The following SLC19A1 variants were observed in gnomAD, a reference collection of about 807,000 sequenced individuals.
SLC19A1 encodes reduced folate transporter.
In SLC19A1, 37 loss-of-function variants were observed where a neutral mutation model predicts 35.3. The ratio of observed to expected loss-of-function variants is 1.05; its 90% CI spans 0.81 to 1.38. The LOEUF is 1.38. Among genes scored for constraint, SLC19A1 ranks in the 40% most tolerant of loss-of-function variants. The pLI is 0.00. For synonymous variants in SLC19A1, 460 were observed against 398.5 expected, an observed-to-expected ratio of 1.15 and a Z score of -1.84; for missense variants, 831 against 826.9, an observed-to-expected ratio of 1.00 and a Z score of -0.06.
rs185822833 is a variant in SLC19A1 at position 45,539,929 on chromosome 21, T to C, written c.-49-1921A>G. Among the ~76,000 whole-genome samples, 241 of 152,148 alleles carry C rather than the reference T, an allele frequency of 1.6e-3. 1 individual carries two copies. Among genetic ancestry groups the C allele is most frequent in the South Asian group, 2.1e-4 (1 of 4,816 alleles). On this transcript the variant is annotated intron_variant, in intron 1 of 5. Transcript: ENST00000311124. The stretch of plus-strand genomic sequence containing the variant: ...AAGAAGATGGGACCAGCACCCTCCA[T>C]TGGAGGCAGCCAGGACCCTAGAAGT...
At chr21:45,522,406 G>A (rs914161386) in intron 5 of SLC19A1, among the ~76,000 whole-genome samples, 9 of 152,194 alleles carry the variant, frequency 5.9e-5, no homozygotes, top group African/African-American at 2.2e-4. Flanking sequence ...AAAACGGTAC[G>A]ACTGCTATGG....
At position 45,515,870 on chromosome 21, in the gene SLC19A1, C is replaced by G. The variant is rs58836581; in HGVS notation, c.1564G>C (p.Asp522His). The G allele has an allele frequency of 2.5e-5, 39 of 1,580,392 alleles. No homozygotes were observed. The highest frequency in any genetic ancestry group is 3.2e-5 in the Non-Finnish European group (37 of 1,162,510). The stretch of plus-strand genomic sequence containing the variant: ...GCCGGGGCCTGGGCCAGGTATGGGT[C>G]GCTCTGTCTCTGCTCCAGGGAGGCT... ...GPASLEQRQSDPYLAQAPAPQ... is the reference protein window; with the variant it reads ...GPASLEQRQSHPYLAQAPAPQ... Residue 522 changes from aspartate (D) to histidine (H), a missense_variant, in exon 6 of 6, where the codon GAC (aspartate) becomes CAC (histidine). Physicochemically the swap from Asp to His is moderately conservative, Grantham distance 81. Coordinates refer to ENST00000311124, the MANE Select transcript of SLC19A1 (RefSeq NM_194255.4).
chr21:45,509,424 G>A, downstream of SLC19A1: 1 of 1,537,954 alleles, frequency 6.5e-7, no homozygotes, highest in Non-Finnish European at 8.7e-7. Flanking sequence ...ACCCGCGGCG[G>A]GAGCACCCCC....
Position 45,518,963 on chromosome 21 carries a change from G to T in SLC19A1, c.1294-2823C>A, listed in dbSNP as rs560580359. On this transcript the variant is annotated intron_variant, in intron 5 of 5. Transcript: ENST00000311124. ...AATACCACAGTAGGCAACATTATGG[G>T]TAAATAAAACAGACTTTCCTTCTTT... Among the ~76,000 whole-genome samples, 8 of 152,296 alleles carry T rather than the reference G, an allele frequency of 5.3e-5. No individual in the cohort carries two copies. In the East Asian group the frequency reaches 1.5e-3, roughly 29 times the overall value.
At chr21:45,521,737 G>C (rs2077444309) in intron 5 of SLC19A1, among the ~76,000 whole-genome samples, 1 of 152,046 alleles carries the variant, frequency 6.6e-6, no homozygotes, top group African/African-American at 2.4e-5. Context: ...TTTTGACAAA[G>C]GTGCAAAAGT....
rs1482975738 is a variant in SLC19A1 at position 45,540,329 on chromosome 21, A to G, written c.-50+2039T>C. Among the ~76,000 whole-genome samples, 1 of 152,160 alleles carries G rather than the reference A, an allele frequency of 6.6e-6. No individual in the cohort carries two copies. The highest frequency in any genetic ancestry group is 1.5e-5 in the Non-Finnish European group (1 of 68,018). On this transcript the variant is annotated intron_variant, in intron 1 of 5. Transcript: ENST00000311124. This position sits in a 1 kb window ranked among gnomAD's most constrained non-coding sequence, Gnocchi z 5.5. Reference sequence around the variant, plus strand: ...CCGCAGACAACGGGGAGCCATCAGGAGCTGAACTAAGCCCAGGGTCTGCGC... The same window carrying G: ...CCGCAGACAACGGGGAGCCATCAGGGGCTGAACTAAGCCCAGGGTCTGCGC...
rs56337621 is a variant in SLC19A1 at position 45,531,332 on chromosome 21, C to T, written c.949+57G>A. 436 of 1,499,272 alleles carry T rather than the reference C, an allele frequency of 2.9e-4. 6 individuals carry two copies. In the South Asian group the frequency reaches 5.0e-3, roughly 17 times the overall value. 92.9% of individuals were successfully genotyped at this position (1,499,272 alleles called of 1,614,324 possible). On this transcript the variant is annotated intron_variant, in intron 3 of 5. Transcript: ENST00000311124. ...CCGGGGGAAGGATCCACGGGGCAGG[C>T]GGAGGTGGACGGGAAGCCTCTGCGG...
rs935133762 is a variant in SLC19A1, at chr21:45,530,122, G to A, written c.1151+648C>T. Among the ~76,000 whole-genome samples the A allele has an allele frequency of 1.5e-4, 23 of 150,438 alleles. No homozygotes were observed. Among genetic ancestry groups the A allele is most frequent in the Non-Finnish European group, 3.0e-4 (20 of 67,580 alleles). ...CTGTGTGGTGTATCCATCTGTGAGC[G>A]TGTGGTGTGTTCATGTGAGTGTGCA... is the stretch of plus-strand genomic sequence containing the variant. On this transcript the variant is annotated intron_variant, in intron 4 of 5. Coordinates refer to ENST00000311124, the MANE Select transcript of SLC19A1 (RefSeq NM_194255.4). This position sits in a 1 kb window ranked among gnomAD's most constrained non-coding sequence, Gnocchi z 5.3.
intron 3 of SLC19A1, among the ~76,000 whole-genome samples, chr21:45,503,671 G>GAT (rs1215790642): frequency 2.0e-5 from 3 of 150,400 alleles, no homozygotes; most frequent in Non-Finnish European, 4.4e-5. Flanking sequence ...AGCATTGGGA[G>GAT]ATATACCTAA....
At chr21:45,532,204 A>C in intron 2 of SLC19A1, 56 bp from the exon 3 acceptor site, 3 of 1,445,780 alleles carry the variant, frequency 2.1e-6, no homozygotes, top group Non-Finnish European at 2.8e-6. Context: ...CCGCTGCGGC[A>C]GACACAGCCC....
At position 45,512,886 on chromosome 21, in the gene SLC19A1, G is replaced by T. The variant is rs2037693264; in HGVS notation, c.*2772C>A. On this transcript the variant is annotated 3_prime_UTR_variant, in exon 6 of 6. Transcript: ENST00000311124. ...ACAAGGCCATCTGGGCTCCTCCAGG[G>T]TGTGTGCTCGCCCTGCGGTAGATGG... 5.7e-5 allele frequency: 13 copies of T among 226,956 alleles called. No homozygotes were observed. In the South Asian group the frequency reaches 7.6e-4, roughly 13 times the overall value. The allele number at this position is 226,956 out of a possible 1,614,324, so 14.1% of individuals were successfully genotyped here. A position where few individuals can be genotyped will look rare whatever the true frequency, so the allele number is the denominator to read the frequency against.
At chr21:45,537,151 A>G (rs561505714) in intron 2 of SLC19A1, among the ~76,000 whole-genome samples, 1 of 152,306 alleles carries the variant, frequency 6.6e-6, no homozygotes, top group Admixed American at 6.5e-5. Flanking sequence ...AGGAGGGCCG[A>G]TGAGCACGGC....
At chr21:45,507,817 G>A (rs1310494419), downstream of SLC19A1, among the ~76,000 whole-genome samples, 1 of 152,226 alleles carries the variant, frequency 6.6e-6, no homozygotes, top group Non-Finnish European at 1.5e-5. Flanking sequence ...TCACGAGGGA[G>A]CCCCTCTCAT....
chr21:45,557,570 G>T (rs1416516612), intron 1 of SLC19A1, among the ~76,000 whole-genome samples: 1 of 152,202 alleles, frequency 6.6e-6, no homozygotes, highest in Non-Finnish European at 1.5e-5. Context: ...GAGCAGAGGA[G>T]CGAGGGCTGG....
rs1229041512 is a variant in SLC19A1, at chr21:45,514,259, C to T, written c.*1399G>A. 6.6e-6 allele frequency: 1 copy of T among 151,506 alleles called. No homozygotes were observed. 9.4% of individuals were successfully genotyped at this position (151,506 alleles called of 1,614,324 possible). A position where few individuals can be genotyped will look rare whatever the true frequency, so the allele number is the denominator to read the frequency against. On this transcript the variant is annotated 3_prime_UTR_variant, in exon 6 of 6. Coordinates refer to ENST00000311124, the MANE Select transcript of SLC19A1 (RefSeq NM_194255.4). ...AGCCCAGGAAATGGCTGGTGCAGAC[C>T]CCCCCCCAAGCAGGGTCCCCAGGGT...
chr21:45,555,258 C>T (rs1252244176), intron 1 of SLC19A1, among the ~76,000 whole-genome samples: 1 of 3,934 alleles, frequency 2.5e-4, no homozygotes, highest in African/African-American at 1.7e-3. Flanking sequence ...CAGGGGGCGG[C>T]GCAGGGGGCG....
intron 4 of SLC19A1, among the ~76,000 whole-genome samples, chr21:45,529,033 A>G (rs1227988363): frequency 2.0e-5 from 3 of 152,224 alleles, no homozygotes; most frequent in East Asian, 1.9e-4. Context: ...GGCCCTTTCC[A>G]CAGTGCTGGC....
intron 1 of SLC19A1, among the ~76,000 whole-genome samples, chr21:45,554,305 C>A (rs190638380): frequency 0.067 from 4 of 60 alleles, 1 homozygote; most frequent in Non-Finnish European, 0.11. Flanking sequence ...CCCGCGCCCC[C>A]TCCCAGTCCC....
chr21:45,509,099 G>C (rs963579920), downstream of SLC19A1, among the ~76,000 whole-genome samples: 56 of 152,128 alleles, frequency 3.7e-4, no homozygotes, highest in African/African-American at 1.3e-3. Context: ...CGTGGTGAGT[G>C]ATTGCTGCGG....
Sources: allele counts gnomAD v4.1 joint callset (sites outside exome capture counted in the v4.1 genomes callset), GRCh38; gene constraint gnomAD v4.1.1; non-coding constraint Gnocchi (gnomAD v3.1); transcripts MANE v1.5; gene names NCBI Gene and HGNC (gene_info 2026-07-23, HGNC 2026-07-21).